SEL1L: variants seen among roughly 807,000 people sequenced by gnomAD.
The protein encoded by SEL1L is protein sel-1 homolog 1.
A neutral mutation model predicts 109.8 loss-of-function variants in SEL1L; 52 were observed. The ratio of observed to expected loss-of-function variants is 0.47; its 90% CI spans 0.38 to 0.60. The LOEUF (loss-of-function observed/expected upper bound fraction) is 0.60, where lower values mean the gene tolerates loss of function less well. Ranked by LOEUF, SEL1L falls within the 20% of genes least tolerant of loss-of-function variation. SEL1L has a pLI of 0.00. For synonymous variants in SEL1L, 373 were observed against 339.6 expected (o/e 1.10, Z -1.08); for missense variants, 749 against 962.2 (o/e 0.78, Z 2.93).
chr14:81,487,067 T>C (rs1903544293), intron 16 of SEL1L, among the ~76,000 whole-genome samples: 2 of 151,888 alleles, frequency 1.3e-5, no homozygotes, highest in African/African-American at 4.8e-5. Context: ...ACCTCCTAAG[T>C]AGCTGGGACT....
intron 3 of SEL1L, among the ~76,000 whole-genome samples, chr14:81,522,137 T>C (rs1040248798): frequency 3.9e-5 from 6 of 152,194 alleles, no homozygotes; most frequent in East Asian, 3.8e-4. Flanking sequence ...TACAAAATAG[T>C]TGAAAAGCTA....
At chr14:81,511,471 C>CA (rs1884474284) in intron 3 of SEL1L, among the ~76,000 whole-genome samples, 1 of 152,218 alleles carries the variant, frequency 6.6e-6, no homozygotes, top group South Asian at 2.1e-4. Context: ...GCTTTAAAGA[C>CA]ACGTGAGTTT....
At chr14:81,520,622 G>A (rs1324411471) in intron 3 of SEL1L, among the ~76,000 whole-genome samples, 2 of 152,158 alleles carry the variant, frequency 1.3e-5, no homozygotes, top group Admixed American at 6.5e-5. Flanking sequence ...AAAACAGAGT[G>A]AGCAGATACC....
At position 81,477,010 on chromosome 14, in the gene SEL1L, G is replaced by A. The variant is rs1487202971; in HGVS notation, c.2347C>T (p.Gln783Ter). Reference protein sequence around the residue: ...RPPGPRPAPPQQEGPPEQQPP... With the variant: ...RPPGPRPAPP ...TGCTGCTCTGGTGGCCCCTCCTGCTGGGGTGGAGCTGGCCGTGGCCCTGGA... is the reference window on the plus strand; with the variant it reads ...TGCTGCTCTGGTGGCCCCTCCTGCTAGGGTGGAGCTGGCCGTGGCCCTGGA... Residue 783 changes from glutamine (Q) to a stop codon, truncating the protein, a stop_gained, in exon 21 of 21, where the codon CAG becomes TAG. Coordinates refer to ENST00000336735, the MANE Select transcript of SEL1L (RefSeq NM_005065.6). LOFTEE classifies it high-confidence loss of function. 1 of 1,614,028 alleles carries A rather than the reference G, an allele frequency of 6.2e-7. No individual in the cohort carries two copies. Among genetic ancestry groups the A allele is most frequent in the African/African-American group, 1.3e-5 (1 of 74,900 alleles).
intron 3 of SEL1L, 90 bp downstream of exon 3, chr14:81,526,643 G>A: frequency 3.2e-6 from 3 of 933,872 alleles, no homozygotes; most frequent in South Asian, 2.8e-5. Context: ...AATCAGTGAA[G>A]CCAGTCTTCT....
At chr14:81,481,936 C>A (rs1903370229) in intron 19 of SEL1L, among the ~76,000 whole-genome samples, 1 of 151,724 alleles carries the variant, frequency 6.6e-6, no homozygotes, top group Admixed American at 6.6e-5. Context: ...GAGGCTGAGG[C>A]AGGAGAATCG....
Position 81,497,949 on chromosome 14 carries a change from T to A in SEL1L, c.1071A>T (p.Glu357Asp). Residue 357 changes from glutamate (E) to aspartate (D), a missense_variant, in exon 10 of 21, where the codon GAA becomes GAT. This residue lies in a region of SEL1L where 383 missense variants were observed against 562.5 expected (regional missense o/e 0.68). Transcript: ENST00000336735. Reference protein sequence around the residue: ...ENPGMNSGMLEEDLIQYYQFL... With the variant: ...ENPGMNSGMLDEDLIQYYQFL... Reference sequence around the variant, plus strand: ...ACTGGTAATATTGAATCAAATCTTCTTCTAGCATTCCACTGTTCATTCCTG... The same window carrying A: ...ACTGGTAATATTGAATCAAATCTTCATCTAGCATTCCACTGTTCATTCCTG... 1 of 1,614,120 alleles carries A rather than the reference T, an allele frequency of 6.2e-7. No homozygotes were observed. Among genetic ancestry groups the A allele is most frequent in the Non-Finnish European group, 8.5e-7 (1 of 1,179,978 alleles).
In SEL1L at chr14:81,524,930, G is replaced by T. The variant is rs141299039; in HGVS notation, c.340+1803C>A. Among the ~76,000 whole-genome samples, 1,022 of 152,166 alleles carry T rather than the reference G, an allele frequency of 6.7e-3. 13 individuals carry two copies. The highest frequency in any genetic ancestry group is 0.022 in the African/African-American group (925 of 41,524). On this transcript the variant is annotated intron_variant, in intron 3 of 20. Transcript: ENST00000336735. ...ACAGCAACAGATTAAGAGAAACCTA[G>T]GTCTTAGCTTAGAAATGAATTCAAA...
At chr14:81,522,218 G>T (rs575376707) in intron 3 of SEL1L, among the ~76,000 whole-genome samples, 10 of 152,078 alleles carry the variant, frequency 6.6e-5, no homozygotes, top group African/African-American at 2.4e-4. Flanking sequence ...AAAAAATTTT[G>T]AAAATAAATT....
chr14:81,512,846 TTTA>T (rs1884542130), intron 3 of SEL1L, among the ~76,000 whole-genome samples: 1 of 152,204 alleles, frequency 6.6e-6, no homozygotes, highest in Non-Finnish European at 1.5e-5. Context: ...TCAACAAATG[TTTA>T]TTGAGATGAT....
rs535599665 is a variant in SEL1L, at chr14:81,471,988, T to C, written c.*4984A>G. On this transcript the variant is annotated 3_prime_UTR_variant, in exon 21 of 21. Transcript: ENST00000336735. ...GTAGTTTCTACTACAGAAATTCTGA[T>C]TTTTTTTACTTGCATCTAATTTGTG... 13 of 152,176 alleles carry C rather than the reference T, an allele frequency of 8.5e-5. No individual in the cohort carries two copies. Among genetic ancestry groups the C allele is most frequent in the Middle Eastern group, 3.4e-3 (1 of 294 alleles). 9.4% of individuals were successfully genotyped at this position (152,176 alleles called of 1,614,324 possible). A position where few individuals can be genotyped will look rare whatever the true frequency, so the allele number is the denominator to read the frequency against.
chr14:81,514,810 AG>A (rs1884633759), intron 3 of SEL1L, among the ~76,000 whole-genome samples: 1 of 152,176 alleles, frequency 6.6e-6, no homozygotes, highest in African/African-American at 2.4e-5. Context: ...ACCCTGAAAA[AG>A]AGGCAGCTCA....
intron 8 of SEL1L, 147 bp downstream of exon 8, chr14:81,499,312 T>C: frequency 2.1e-6 from 3 of 1,405,874 alleles, no homozygotes; most frequent in South Asian, 1.7e-5. Context: ...GTTATATCCA[T>C]TAACAAGAAT....
At chr14:81,506,536 T>C (rs1884246084) in intron 3 of SEL1L, among the ~76,000 whole-genome samples, 1 of 152,142 alleles carries the variant, frequency 6.6e-6, no homozygotes, top group Non-Finnish European at 1.5e-5. Flanking sequence ...GCCCAAAAAG[T>C]AAGCAAAAAA....
At chr14:81,511,278 C>G (rs1393380091) in intron 3 of SEL1L, among the ~76,000 whole-genome samples, 1 of 152,230 alleles carries the variant, frequency 6.6e-6, no homozygotes, top group Non-Finnish European at 1.5e-5. Flanking sequence ...TCAGCTCTTT[C>G]TGTGAGAAGC....
intron 3 of SEL1L, among the ~76,000 whole-genome samples, chr14:81,516,428 G>A (rs1346439438): frequency 6.6e-6 from 1 of 152,164 alleles, no homozygotes; most frequent in African/African-American, 2.4e-5. Context: ...GTTATGCCTG[G>A]AAGTCCCAGG....
chr14:81,486,044 A>G (rs1459135473), intron 17 of SEL1L, among the ~76,000 whole-genome samples: 3 of 152,184 alleles, frequency 2.0e-5, no homozygotes, highest in Non-Finnish European at 4.4e-5. Flanking sequence ...CTGTATTTTG[A>G]AAAATACATT....
intron 10 of SEL1L, 44 bp downstream of exon 10, chr14:81,497,848 A>C: frequency 6.3e-7 from 1 of 1,575,828 alleles, no homozygotes; most frequent in Non-Finnish European, 8.6e-7. Flanking sequence ...AGATTAAAAT[A>C]TACAATGCAG....
chr14:81,486,491 A>G, intron 16 of SEL1L, 37 bp from the exon 17 acceptor site: 2 of 1,602,566 alleles, frequency 1.2e-6, no homozygotes. Context: ...CAGTAGAAGA[A>G]AATAAGAAAG....
Sources: allele counts gnomAD v4.1 joint callset (sites outside exome capture counted in the v4.1 genomes callset), GRCh38; gene constraint gnomAD v4.1.1; regional missense constraint gnomAD v4.1.1; transcripts MANE v1.5; gene names NCBI Gene and HGNC (gene_info 2026-07-23, HGNC 2026-07-21).